Variants in CDH6 observed in about 807,000 individuals in gnomAD.
The protein encoded by CDH6 is cadherin-6.
A neutral mutation model predicts 78.0 loss-of-function variants in CDH6; 31 were observed. The observed-to-expected ratio is 0.40, with a 90% confidence interval of 0.30 to 0.54. The LOEUF (loss-of-function observed/expected upper bound fraction) is 0.54, where lower values mean the gene tolerates loss of function less well. CDH6 is among the 20% of genes least tolerant of loss of function. CDH6 has a pLI of 0.56. For synonymous variants in CDH6, 376 were observed against 368.8 expected, an observed-to-expected ratio of 1.02 and a Z score of -0.23; for missense variants, 724 against 975.9, an observed-to-expected ratio of 0.74 and a Z score of 3.44.
At chr5:31,246,043 G>A in intron 1 of CDH6, among the ~76,000 whole-genome samples, 1 of 151,614 alleles carries the variant, frequency 6.6e-6, no homozygotes, top group East Asian at 1.9e-4. Flanking sequence ...AAGTAGCTGG[G>A]ATTACAGGCA....
Position 31,275,943 on chromosome 5 carries a change from C to T in CDH6, c.228+8242C>T, listed in dbSNP as rs182783581. Among the ~76,000 whole-genome samples, 39 of 152,244 alleles carry T rather than the reference C, an allele frequency of 2.6e-4. No homozygotes were observed. In the East Asian group the frequency reaches 5.2e-3, roughly 20 times the overall value. ...CATTTACCAAAAATAAACAGACATACGGGAGGGGTCCTCCCTTTGACAGCC... is the reference window on the plus strand; with the variant it reads ...CATTTACCAAAAATAAACAGACATATGGGAGGGGTCCTCCCTTTGACAGCC... On this transcript the variant is annotated intron_variant, in intron 2 of 11. Transcript: ENST00000265071.
chr5:31,251,417 G>A (rs1446854142), intron 1 of CDH6: 3 of 152,320 alleles, frequency 2.0e-5, no homozygotes, highest in Non-Finnish European at 4.4e-5. Context: ...CCAAACCAGG[G>A]CGAGGACACT....
At chr5:31,322,386 GCAAACC>G (rs1162679467) in intron 11 of CDH6, among the ~76,000 whole-genome samples, 2 of 151,598 alleles carry the variant, frequency 1.3e-5, no homozygotes, top group Admixed American at 1.3e-4. Flanking sequence ...GTGGAGTTGT[GCAAACC>G]CTTCAACACA....
intron 1 of CDH6, among the ~76,000 whole-genome samples, chr5:31,217,345 A>C (rs1172951274): frequency 6.6e-6 from 1 of 152,178 alleles, no homozygotes; most frequent in Admixed American, 6.6e-5. Context: ...AAGGTTATTC[A>C]AAAAAAGAAA....
At chr5:31,232,918 C>T (rs958880005) in intron 1 of CDH6, among the ~76,000 whole-genome samples, 13 of 152,108 alleles carry the variant, frequency 8.5e-5, no homozygotes, top group African/African-American at 3.1e-4. Context: ...TTTAATACTC[C>T]CCGTTGTACA....
chr5:31,307,710 G>T (rs577157803), intron 7 of CDH6, among the ~76,000 whole-genome samples: 1 of 152,210 alleles, frequency 6.6e-6, no homozygotes, highest in Admixed American at 6.5e-5. Context: ...CAATTTGAAA[G>T]TGTTAATGCT....
chr5:31,286,751 C>T, intron 2 of CDH6, among the ~76,000 whole-genome samples: 1 of 152,080 alleles, frequency 6.6e-6, no homozygotes, highest in East Asian at 1.9e-4. Flanking sequence ...AAAGGAAAAT[C>T]TAAAGAAAGC....
rs1284988821 is a variant in CDH6, at chr5:31,297,411, T to A, written c.643+3T>A. 6.3e-7 allele frequency: 1 copy of A among 1,595,388 alleles called. No homozygotes were observed. The highest frequency in any genetic ancestry group is 1.3e-5 in the African/African-American group (1 of 74,122). ...TTTTTCAGTTGAATCAGAAACAGGT[T>A]AGACTTTTTGATCTTCCTTTTTATA... On this transcript the variant is annotated splice_donor_region_variant and intron_variant, in intron 4 of 11. Coordinates refer to ENST00000265071, the MANE Select transcript of CDH6 (RefSeq NM_004932.4).
intron 11 of CDH6, 186 bp downstream of exon 11, chr5:31,318,110 T>C (rs1738379594): frequency 1.5e-6 from 1 of 678,662 alleles, no homozygotes; most frequent in Non-Finnish European, 2.6e-6. Context: ...CTTTGGAAAA[T>C]GAACAGATGT....
intron 6 of CDH6, among the ~76,000 whole-genome samples, chr5:31,302,776 GAA>G (rs1561065766): frequency 2.1e-4 from 11 of 51,676 alleles, no homozygotes; most frequent in African/African-American, 3.7e-4. Flanking sequence ...AAAGAAAGAA[GAA>G]AGAGAGAGAG....
intron 6 of CDH6, among the ~76,000 whole-genome samples, chr5:31,304,514 G>A (rs939710869): frequency 5.3e-5 from 8 of 151,824 alleles, no homozygotes; most frequent in East Asian, 1.9e-4. Context: ...ATGAAGCCCT[G>A]TTTCTACTAA....
chr5:31,319,044 C>T (rs762897232), intron 11 of CDH6: 7 of 194,358 alleles, frequency 3.6e-5, no homozygotes, highest in Non-Finnish European at 7.5e-5. Context: ...AAAGACAAAT[C>T]AGTGTTTCTA....
chr5:31,239,400 C>A (rs1454377738), intron 1 of CDH6, among the ~76,000 whole-genome samples: 1 of 152,122 alleles, frequency 6.6e-6, no homozygotes, highest in East Asian at 1.9e-4. Flanking sequence ...TGCTGGGATA[C>A]TTCTGATGCT....
In CDH6 at chr5:31,302,852, G is replaced by T. The variant is rs1398865201; in HGVS notation, c.999+554G>T. On this transcript the variant is annotated intron_variant, in intron 6 of 11. Transcript: ENST00000265071. ...AGAAAGAAAGAAAGAAAGAAAGAAA[G>T]AGAAAGAAAGGAAGAAAGGAGGGAA... Among the ~76,000 whole-genome samples, 11 of 125,214 alleles carry T rather than the reference G, an allele frequency of 8.8e-5. No homozygotes were observed. In the South Asian group the frequency reaches 1.9e-3, roughly 21 times the overall value. 82.1% of individuals were successfully genotyped at this position (125,214 alleles called of 152,430 possible).
intron 1 of CDH6, among the ~76,000 whole-genome samples, chr5:31,234,089 TA>T (rs1741389538): frequency 6.6e-6 from 1 of 152,216 alleles, no homozygotes; most frequent in African/African-American, 2.4e-5. Flanking sequence ...AGTGTGTTCT[TA>T]ATACTTTGAC....
intron 1 of CDH6, among the ~76,000 whole-genome samples, chr5:31,232,057 T>C (rs899594522): frequency 5.9e-5 from 9 of 152,238 alleles, no homozygotes; most frequent in African/African-American, 1.9e-4. Context: ...TGTTTCAGAC[T>C]TCACAACTTA....
chr5:31,305,522 T>A, intron 7 of CDH6, 95 bp downstream of exon 7: 1 of 1,299,950 alleles, frequency 7.7e-7, no homozygotes, highest in Non-Finnish European at 1.1e-6. Context: ...ATCCCTTTTG[T>A]TCCAATTAGA....
chr5:31,283,568 T>C (rs1311445689), intron 2 of CDH6, among the ~76,000 whole-genome samples: 1 of 152,194 alleles, frequency 6.6e-6, no homozygotes, highest in Non-Finnish European at 1.5e-5. Context: ...GCTTAACAAA[T>C]GTCTGCTATT....
chr5:31,299,678 A>G, intron 5 of CDH6, 47 bp downstream of exon 5: 2 of 1,514,728 alleles, frequency 1.3e-6, no homozygotes, highest in Non-Finnish European at 1.8e-6. Context: ...CTTTTATAAA[A>G]CTCGAACTTT....
Sources: gnomAD v4.1 joint callset for allele counts (sites outside exome capture counted in the v4.1 genomes callset) on GRCh38, gnomAD v4.1.1 for gene constraint, MANE v1.5 for transcripts, NCBI Gene and HGNC (gene_info 2026-07-23, HGNC 2026-07-21) for gene names.